Variants in SQOR observed in about 807,000 individuals in gnomAD.
SQOR encodes sulfide quinone oxidoreductase.
Under a neutral mutation model 48.6 loss-of-function variants are expected in SQOR, and 39 were observed. The ratio of observed to expected loss-of-function variants is 0.80; its 90% CI spans 0.62 to 1.05. The LOEUF is 1.05. Ranked by LOEUF, SQOR falls within the 50% of genes least tolerant of loss-of-function variation. SQOR has a pLI of 0.00. For missense variants in SQOR, 561 were observed against 559.9 expected, an observed-to-expected ratio of 1.00 and a Z score of -0.02; for synonymous variants, 220 against 206.2, an observed-to-expected ratio of 1.07 and a Z score of -0.57.
intron 1 of SQOR, among the ~76,000 whole-genome samples, chr15:45,646,552 T>C (rs554352294): frequency 1.7e-4 from 26 of 152,338 alleles, no homozygotes; most frequent in South Asian, 1.2e-3. Flanking sequence ...TGTGTTGCTA[T>C]TACTTGTATT....
intron 4 of SQOR, among the ~76,000 whole-genome samples, chr15:45,672,015 G>A (rs1377793710): frequency 3.3e-5 from 5 of 152,146 alleles, no homozygotes; most frequent in Admixed American, 1.3e-4. Context: ...CCTTTTTGAC[G>A]CAGGTTTTCC....
intron 4 of SQOR, among the ~76,000 whole-genome samples, chr15:45,672,210 G>A (rs1889957514): frequency 6.6e-6 from 1 of 152,106 alleles, no homozygotes; most frequent in Non-Finnish European, 1.5e-5. Context: ...CCCCAGGCAG[G>A]TGGGCAGAGG....
At chr15:45,642,098 C>A (rs1286993639) in intron 1 of SQOR, among the ~76,000 whole-genome samples, 2 of 152,204 alleles carry the variant, frequency 1.3e-5, no homozygotes, top group Non-Finnish European at 2.9e-5. Context: ...AGTAAACAAT[C>A]AAAAATGCTG....
intron 1 of SQOR, among the ~76,000 whole-genome samples, chr15:45,642,369 G>A (rs535125120): frequency 4.6e-5 from 7 of 152,304 alleles, no homozygotes; most frequent in Admixed American, 2.0e-4. Flanking sequence ...TGTGGGCTTA[G>A]TGTTAGAGGC....
intron 6 of SQOR, 110 bp downstream of exon 6, chr15:45,676,420 C>A: frequency 8.7e-7 from 1 of 1,143,548 alleles, no homozygotes; most frequent in Non-Finnish European, 1.3e-6. Context: ...CTGGGGAAGA[C>A]TGGGTGAAAT....
intron 9 of SQOR, 104 bp downstream of exon 9, chr15:45,689,321 T>G: frequency 8.7e-7 from 1 of 1,154,184 alleles, no homozygotes. Flanking sequence ...TGACCAAGTG[T>G]TCTGTCTTCC....
intron 3 of SQOR, among the ~76,000 whole-genome samples, chr15:45,663,389 A>G (rs1303420520): frequency 6.6e-6 from 1 of 152,170 alleles, no homozygotes; most frequent in Non-Finnish European, 1.5e-5. Flanking sequence ...CTCTCTAGAA[A>G]AATGCACCTA....
chr15:45,650,870 T>C (rs888327202), intron 1 of SQOR, among the ~76,000 whole-genome samples: 9 of 152,254 alleles, frequency 5.9e-5, no homozygotes, highest in African/African-American at 2.2e-4. Context: ...CACTGGGTAC[T>C]GATTGGTGCC....
intron 1 of SQOR, among the ~76,000 whole-genome samples, chr15:45,641,035 C>T (rs983551979): frequency 4.6e-5 from 7 of 152,220 alleles, no homozygotes; most frequent in Admixed American, 4.6e-4. Flanking sequence ...GGTGTTCTTT[C>T]ATTTTTTTTC....
chr15:45,650,051 C>T (rs990076943), intron 1 of SQOR, among the ~76,000 whole-genome samples: 1 of 151,874 alleles, frequency 6.6e-6, no homozygotes, highest in Non-Finnish European at 1.5e-5. Context: ...CCATGTTGGC[C>T]AGGCTGGTCT....
In SQOR at chr15:45,650,588, T is replaced by C. The variant is rs146693880; in HGVS notation, c.-17-8319T>C. 3.5e-3 allele frequency among the ~76,000 whole-genome samples: 535 copies of C among 152,300 alleles called. 5 individuals are homozygous for C. The highest frequency in any genetic ancestry group is 0.012 in the African/African-American group (515 of 41,562). Reference sequence around the variant, plus strand: ...ACCAGAAAGGACTGCCACCGCTCGCTCGGGCAGCCTGCTTTTATTCCCTTA... The same window carrying C: ...ACCAGAAAGGACTGCCACCGCTCGCCCGGGCAGCCTGCTTTTATTCCCTTA... On this transcript the variant is annotated intron_variant, in intron 1 of 9. Transcript: ENST00000260324.
intron 3 of SQOR, among the ~76,000 whole-genome samples, chr15:45,667,577 G>A (rs1007295971): frequency 6.6e-6 from 1 of 152,092 alleles, no homozygotes; most frequent in Non-Finnish European, 1.5e-5. Context: ...AAAGGCTTGA[G>A]GTTTTCTTCT....
intron 3 of SQOR, 99 bp from the exon 4 acceptor site, chr15:45,669,829 C>A: frequency 1.0e-6 from 1 of 976,314 alleles, no homozygotes; most frequent in Non-Finnish European, 1.6e-6. Flanking sequence ...ATTTCCCTGC[C>A]TCCCTTAGAC....
intron 1 of SQOR, among the ~76,000 whole-genome samples, chr15:45,639,125 T>C (rs1053663197): frequency 6.6e-5 from 10 of 152,204 alleles, no homozygotes; most frequent in African/African-American, 2.4e-4. Flanking sequence ...GATCCCGACA[T>C]GTCCATCACT....
At chr15:45,634,198 C>CTATATATATATATATA (rs60889862), upstream of SQOR, among the ~76,000 whole-genome samples, 551 of 43,752 alleles carry the variant, frequency 0.013, 54 homozygotes, top group South Asian at 0.03. Context: ...ACAACAACAA[C>CTATATATATATATATA]TATATATATA....
At chr15:45,646,468 TC>T (rs1889343066) in intron 1 of SQOR, among the ~76,000 whole-genome samples, 1 of 152,202 alleles carries the variant, frequency 6.6e-6, no homozygotes, top group African/African-American at 2.4e-5. Flanking sequence ...TATCAATACT[TC>T]CGGTGTGGGC....
At chr15:45,667,897 A>T (rs1323189526) in intron 3 of SQOR, among the ~76,000 whole-genome samples, 1 of 148,110 alleles carries the variant, frequency 6.8e-6, no homozygotes, top group African/African-American at 2.5e-5. Flanking sequence ...CCTACAGAAG[A>T]TGGAATTTCA....
chr15:45,662,668 T>G (rs903630831), intron 3 of SQOR, among the ~76,000 whole-genome samples: 8 of 152,164 alleles, frequency 5.3e-5, no homozygotes, highest in African/African-American at 1.7e-4. Flanking sequence ...TTTAGAAGTC[T>G]CCCACCCTCA....
chr15:45,674,142 A>G (rs991266784), intron 5 of SQOR: 3 of 247,902 alleles, frequency 1.2e-5, no homozygotes, highest in Admixed American at 1.0e-4. Context: ...TGTGTGTGTA[A>G]AAGTCTACTG....
Sources: allele counts gnomAD v4.1 joint callset (sites outside exome capture counted in the v4.1 genomes callset), GRCh38; gene constraint gnomAD v4.1.1; transcripts MANE v1.5; gene names NCBI Gene and HGNC (gene_info 2026-07-23, HGNC 2026-07-21).